Variants in MUC7 observed in about 807,000 individuals in gnomAD.
MUC7 encodes the protein mucin 7, secreted.
A neutral mutation model predicts 2.5 loss-of-function variants in MUC7; 2 were observed. That is an observed-to-expected ratio of 0.81 (90% CI 0.33 to 2.55). MUC7 has a LOEUF of 2.55. MUC7 is among the 30% of genes most tolerant of loss of function. The pLI is 0.11. For synonymous variants in MUC7, 133 were observed against 173.4 expected, an observed-to-expected ratio of 0.77 and a Z score of 1.83; for missense variants, 408 against 455.6, an observed-to-expected ratio of 0.90 and a Z score of 0.95.
intron 1 of MUC7, among the ~76,000 whole-genome samples, chr4:70,436,913 C>T (rs1291164430): frequency 6.6e-6 from 1 of 152,114 alleles, no homozygotes; most frequent in Non-Finnish European, 1.5e-5. Flanking sequence ...GATGTTGATG[C>T]TATTTCTTTC....
At chr4:70,458,642 A>G (rs1384463451) in intron 1 of MUC7, among the ~76,000 whole-genome samples, 1 of 152,162 alleles carries the variant, frequency 6.6e-6, no homozygotes, top group Admixed American at 6.6e-5. Flanking sequence ...ATGAGAAAAA[A>G]AGAGAAACAA....
At chr4:70,480,456 T>G (rs992077382) in intron 2 of MUC7, among the ~76,000 whole-genome samples, 11 of 152,170 alleles carry the variant, frequency 7.2e-5, no homozygotes, top group African/African-American at 2.7e-4. Flanking sequence ...GAAGCTTTTG[T>G]GATGGGACCT....
intron 1 of MUC7, among the ~76,000 whole-genome samples, chr4:70,459,023 T>C (rs1398115827): frequency 6.6e-6 from 1 of 152,092 alleles, no homozygotes; most frequent in East Asian, 1.9e-4. Context: ...TTTATAAACC[T>C]TGAAATATAA....
At chr4:70,476,485 G>C (rs370642461) in intron 2 of MUC7, among the ~76,000 whole-genome samples, 3 of 152,144 alleles carry the variant, frequency 2.0e-5, no homozygotes, top group Non-Finnish European at 4.4e-5. Flanking sequence ...AAAGTGCCTG[G>C]TGAGAGAAAG....
chr4:70,480,775 T>C (rs770097048), intron 2 of MUC7, 24 bp from the exon 3 acceptor site: 1 of 1,601,596 alleles, frequency 6.2e-7, no homozygotes, highest in Non-Finnish European at 8.5e-7. Context: ...TTTTCATTTC[T>C]TACATTTTCT....
intron 1 of MUC7, among the ~76,000 whole-genome samples, chr4:70,462,569 T>A (rs903505312): frequency 6.6e-5 from 10 of 152,190 alleles, no homozygotes; most frequent in African/African-American, 2.4e-4. Context: ...ATCATGCAGA[T>A]AAAACAGTTC....
At chr4:70,478,279 T>C (rs1735064096) in intron 2 of MUC7, among the ~76,000 whole-genome samples, 1 of 152,184 alleles carries the variant, frequency 6.6e-6, no homozygotes, top group Non-Finnish European at 1.5e-5. Flanking sequence ...AAATTAGTTA[T>C]TGTTATCATT....
chr4:70,452,187 T>A (rs866955573), intron 1 of MUC7, among the ~76,000 whole-genome samples: 3 of 152,216 alleles, frequency 2.0e-5, no homozygotes, highest in Non-Finnish European at 4.4e-5. Flanking sequence ...GATCACTGGG[T>A]CATGTTTTCT....
chr4:70,466,703 G>C (rs1311456935), intron 1 of MUC7, among the ~76,000 whole-genome samples: 2 of 152,260 alleles, frequency 1.3e-5, no homozygotes, highest in East Asian at 3.9e-4. Flanking sequence ...AACAAGAAGA[G>C]CTAACTATCC....
At chr4:70,478,865 C>T (rs545515667) in intron 2 of MUC7, among the ~76,000 whole-genome samples, 10 of 152,244 alleles carry the variant, frequency 6.6e-5, no homozygotes, top group South Asian at 2.1e-4. Context: ...TCAGTGTTAC[C>T]GATTCTGAAA....
chr4:70,432,308 T>A (rs567713570), intron 1 of MUC7, among the ~76,000 whole-genome samples: 1 of 152,358 alleles, frequency 6.6e-6, no homozygotes, highest in African/African-American at 2.4e-5. Flanking sequence ...TTTTAGATCC[T>A]TGAGGAATCA....
chr4:70,455,724 A>G (rs564006817), intron 1 of MUC7, among the ~76,000 whole-genome samples: 1 of 152,306 alleles, frequency 6.6e-6, no homozygotes, highest in South Asian at 2.1e-4. Flanking sequence ...TGAATATGGA[A>G]TCAAAAGGTG....
intron 1 of MUC7, among the ~76,000 whole-genome samples, chr4:70,435,661 G>C (rs1174821545): frequency 2.3e-5 from 1 of 44,194 alleles, no homozygotes; most frequent in African/African-American, 7.6e-5. Context: ...TATCCCATTT[G>C]CCAGTCTATT....
In MUC7 at chr4:70,482,624, G is replaced by C. The variant is rs1282967101; in HGVS notation, c.*746G>C. The C allele has an allele frequency of 6.6e-6, 1 of 152,174 alleles. No homozygotes were observed. Among genetic ancestry groups the C allele is most frequent in the Non-Finnish European group, 1.5e-5 (1 of 68,032 alleles). 9.4% of individuals were successfully genotyped at this position (152,174 alleles called of 1,614,324 possible). A position where few individuals can be genotyped will look rare whatever the true frequency, so the allele number is the denominator to read the frequency against. On this transcript the variant is annotated 3_prime_UTR_variant, in exon 3 of 3. Transcript: ENST00000304887. Reference sequence around the variant, plus strand: ...TTTCGATCTAATGTACCTGATTCTAGCCTCTGTGAACAACAAGAATATGTT... The same window carrying C: ...TTTCGATCTAATGTACCTGATTCTACCCTCTGTGAACAACAAGAATATGTT...
At chr4:70,473,926 TA>T in intron 1 of MUC7, 80 bp from the exon 2 acceptor site, 1 of 1,033,208 alleles carries the variant, frequency 9.7e-7, no homozygotes, top group East Asian at 2.4e-5. Context: ...TACTTTCTAA[TA>T]AAAATAAGTT....
chr4:70,441,186 G>A (rs2109705489), intron 1 of MUC7, among the ~76,000 whole-genome samples: 1 of 152,208 alleles, frequency 6.6e-6, no homozygotes, highest in South Asian at 2.1e-4. Flanking sequence ...ATATCTTTCA[G>A]TCCAGTTACC....
chr4:70,439,277 T>C (rs1733942773), intron 1 of MUC7, among the ~76,000 whole-genome samples: 1 of 152,144 alleles, frequency 6.6e-6, no homozygotes, highest in Admixed American at 6.6e-5. Context: ...CAGGTCAGAA[T>C]CTGGAAGTGA....
At position 70,443,146 on chromosome 4, in the gene MUC7, C is replaced by T. The variant is rs1435608365; in HGVS notation, c.-93+12459C>T. On this transcript the variant is annotated intron_variant, in intron 1 of 3. Transcript: ENST00000413702. ...TCTAAAACACCCAGATGTTTATATTCACCCTAAATTAGATCAATTCAAATC... is the reference window on the plus strand; with the variant it reads ...TCTAAAACACCCAGATGTTTATATTTACCCTAAATTAGATCAATTCAAATC... Among the ~76,000 whole-genome samples the T allele has an allele frequency of 2.0e-5, 3 of 152,028 alleles. No homozygotes were observed. In the East Asian group the frequency reaches 5.8e-4, roughly 29 times the overall value.
intron 1 of MUC7, among the ~76,000 whole-genome samples, chr4:70,454,081 C>G (rs1451206032): frequency 1.3e-5 from 2 of 152,048 alleles, no homozygotes; most frequent in Non-Finnish European, 2.9e-5. Flanking sequence ...AGGACTCTCT[C>G]ATTGCTTCAA....
Sources: gnomAD v4.1 joint callset for allele counts (sites outside exome capture counted in the v4.1 genomes callset) on GRCh38, gnomAD v4.1.1 for gene constraint, MANE v1.5 for transcripts, NCBI Gene and HGNC (gene_info 2026-07-23, HGNC 2026-07-21) for gene names.